The following CFDP1 variants were observed in gnomAD, a reference collection of about 807,000 sequenced individuals.
CFDP1 encodes the protein heterochromatin-stabilizing protein CFDP1.
CFDP1 carries 31 observed loss-of-function variants against 40.1 expected under a neutral mutation model. The ratio of observed to expected loss-of-function variants is 0.77; its 90% CI spans 0.58 to 1.04. The LOEUF (loss-of-function observed/expected upper bound fraction) is 1.04, where lower values mean the gene tolerates loss of function less well. Among genes scored for constraint, CFDP1 ranks in the 50% least tolerant of loss-of-function variants. The pLI is 0.00. For missense variants in CFDP1, 423 were observed against 343.4 expected (o/e 1.23, Z -1.83); for synonymous variants, 167 against 120.0 (o/e 1.39, Z -2.56).
intron 1 of CFDP1, among the ~76,000 whole-genome samples, chr16:75,419,760 G>C (rs530436949): frequency 8.5e-5 from 13 of 152,224 alleles, no homozygotes; most frequent in East Asian, 7.7e-4. Context: ...CAAATGCCAT[G>C]GCAACATCAG....
At chr16:75,306,502 A>G (rs764298870) in intron 5 of CFDP1, 4 of 152,232 alleles carry the variant, frequency 2.6e-5, no homozygotes, top group Non-Finnish European at 5.9e-5. Context: ...GAGGATGTCA[A>G]CTTCCCTGTT....
At chr16:75,417,713 T>C (rs917218457) in intron 1 of CFDP1, among the ~76,000 whole-genome samples, 1 of 152,038 alleles carries the variant, frequency 6.6e-6, no homozygotes, top group Admixed American at 6.6e-5. Flanking sequence ...TAAACATAAC[T>C]GTATACCAAA....
intron 1 of CFDP1, among the ~76,000 whole-genome samples, chr16:75,423,676 G>A (rs1314253289): frequency 5.9e-5 from 9 of 151,958 alleles, no homozygotes; most frequent in South Asian, 2.1e-4. Context: ...CACCTCGCCC[G>A]GCTAATTTTT....
intron 6 of CFDP1, among the ~76,000 whole-genome samples, chr16:75,296,648 A>G (rs2078184389): frequency 6.6e-6 from 1 of 152,200 alleles, no homozygotes; most frequent in Non-Finnish European, 1.5e-5. Context: ...TGAGACTATC[A>G]AGAGTGAAGC....
At chr16:75,326,993 G>A (rs575613267) in intron 5 of CFDP1, among the ~76,000 whole-genome samples, 6 of 152,330 alleles carry the variant, frequency 3.9e-5, no homozygotes, top group Middle Eastern at 3.4e-3. Flanking sequence ...GGAATAGGCC[G>A]GGCGCAGTGG....
chr16:75,353,431 ATG>A (rs2151527504), intron 5 of CFDP1, among the ~76,000 whole-genome samples: 1 of 152,262 alleles, frequency 6.6e-6, no homozygotes, highest in South Asian at 2.1e-4. Context: ...TCAAAATCAT[ATG>A]TGGGAGTTAG....
intron 5 of CFDP1, among the ~76,000 whole-genome samples, chr16:75,320,774 C>A (rs1340730796): frequency 2.0e-5 from 3 of 152,134 alleles, no homozygotes; most frequent in African/African-American, 7.2e-5. Context: ...CATTGATGGT[C>A]TCATGTGAAT....
At chr16:75,327,846 C>G (rs2078413941) in intron 5 of CFDP1, among the ~76,000 whole-genome samples, 1 of 152,090 alleles carries the variant, frequency 6.6e-6, no homozygotes, top group South Asian at 2.1e-4. Context: ...GCCTCAGCCT[C>G]CCGAATAGCT....
At chr16:75,406,718 T>TA (rs944385063) in intron 4 of CFDP1, 1 of 146,108 alleles carries the variant, frequency 6.8e-6, no homozygotes, top group African/African-American at 2.5e-5. Context: ...TAAAAATAAA[T>TA]AAAATAAATA....
chr16:75,390,108 T>C (rs527600354), intron 5 of CFDP1, among the ~76,000 whole-genome samples: 40 of 152,316 alleles, frequency 2.6e-4, no homozygotes, highest in African/African-American at 6.3e-4. Flanking sequence ...AAATTTCACT[T>C]TACCCTGTTT....
chr16:75,397,965 G>T (rs865946225), intron 4 of CFDP1, among the ~76,000 whole-genome samples: 112 of 152,294 alleles, frequency 7.4e-4, no homozygotes, highest in African/African-American at 2.6e-3. Flanking sequence ...TGTTTCTCTT[G>T]CCCCTTGAAT....
intron 1 of CFDP1, among the ~76,000 whole-genome samples, chr16:75,426,836 C>A (rs1374555835): frequency 6.6e-6 from 1 of 152,098 alleles, no homozygotes; most frequent in African/African-American, 2.4e-5. Context: ...GGGTGGATCA[C>A]TTGAGGTTGG....
chr16:75,431,644 A>T (rs903290053), intron 1 of CFDP1, among the ~76,000 whole-genome samples: 4 of 151,270 alleles, frequency 2.6e-5, no homozygotes, highest in African/African-American at 9.7e-5. Flanking sequence ...GTCTCGAAAG[A>T]AAAAAAAACA....
chr16:75,320,964 C>A (rs1002264757), intron 5 of CFDP1, among the ~76,000 whole-genome samples: 1 of 152,016 alleles, frequency 6.6e-6, no homozygotes, highest in Non-Finnish European at 1.5e-5. Flanking sequence ...CTTACTATTT[C>A]TTATTCTCAG....
At chr16:75,377,611 G>C (rs1190741693) in intron 5 of CFDP1, among the ~76,000 whole-genome samples, 1 of 152,214 alleles carries the variant, frequency 6.6e-6, no homozygotes, top group African/African-American at 2.4e-5. Context: ...AAGACTCCTT[G>C]TGTTCAAGTA....
chr16:75,339,284 C>G (rs1167203490), intron 5 of CFDP1, among the ~76,000 whole-genome samples: 1 of 152,140 alleles, frequency 6.6e-6, no homozygotes, highest in Admixed American at 6.5e-5. Context: ...GCTACTCAAC[C>G]CTTTAATGAG....
At chr16:75,358,632 A>T (rs2078661644) in intron 5 of CFDP1, among the ~76,000 whole-genome samples, 2 of 152,150 alleles carry the variant, frequency 1.3e-5, no homozygotes, top group Non-Finnish European at 2.9e-5. Context: ...TTCCCCCATG[A>T]ACACCATTTT....
At chr16:75,343,435 A>G (rs2078540406) in intron 5 of CFDP1, among the ~76,000 whole-genome samples, 1 of 152,160 alleles carries the variant, frequency 6.6e-6, no homozygotes, top group Non-Finnish European at 1.5e-5. Flanking sequence ...ATTTTTTTCC[A>G]GCAAAAAAGG....
rs1555556963 is a variant in CFDP1, at chr16:75,347,359, A to AAAAAAAG, written c.651-42178_651-42177insCTTTTTT. On this transcript the variant is annotated intron_variant, in intron 5 of 6. Transcript: ENST00000283882. ...ACTCCATCTCAAAAAAAAAAAAAAA[A>AAAAAAAG]AAAAAGAAAAAGAAAAAGAAAAAGA... 7.0e-3 allele frequency among the ~76,000 whole-genome samples: 377 copies of AAAAAAAG among 53,680 alleles called. 7 individuals are homozygous for AAAAAAAG. The highest frequency in any genetic ancestry group is 0.028 in the African/African-American group (348 of 12,284). The allele number at this position is 53,680 out of a possible 152,430, so 35.2% of individuals were successfully genotyped here. A position where few individuals can be genotyped will look rare whatever the true frequency, so the allele number is the denominator to read the frequency against.
Sources: gnomAD v4.1 joint callset for allele counts (sites outside exome capture counted in the v4.1 genomes callset) on GRCh38, gnomAD v4.1.1 for gene constraint, MANE v1.5 for transcripts, NCBI Gene and HGNC (gene_info 2026-07-23, HGNC 2026-07-21) for gene names.